The following HS3ST4 variants were observed in gnomAD, a reference collection of about 807,000 sequenced individuals.
HS3ST4 encodes the protein heparan sulfate-glucosamine 3-sulfotransferase 4.
HS3ST4 carries 17 observed loss-of-function variants against 29.2 expected under a neutral mutation model. The observed-to-expected ratio is 0.58, with a 90% CI of 0.40 to 0.87. The LOEUF is 0.87. Ranked by LOEUF, HS3ST4 falls within the 40% of genes least tolerant of loss-of-function variation. The pLI is 0.00. For missense variants in HS3ST4, 627 were observed against 634.5 expected, an observed-to-expected ratio of 0.99 and a Z score of 0.13; for synonymous variants, 314 against 285.7, an observed-to-expected ratio of 1.10 and a Z score of -1.00.
chr16:25,720,605 A>G (rs1966486380), intron 1 of HS3ST4, among the ~76,000 whole-genome samples: 1 of 152,192 alleles, frequency 6.6e-6, no homozygotes, highest in Non-Finnish European at 1.5e-5. Context: ...ACCTTAAAAA[A>G]TCCATGAAAA....
intron 1 of HS3ST4, among the ~76,000 whole-genome samples, chr16:25,886,017 T>C (rs985843981): frequency 4.1e-5 from 6 of 147,806 alleles, no homozygotes; most frequent in Admixed American, 2.8e-4. Flanking sequence ...GGAGTACTTT[T>C]CTTACTGTGG....
intron 1 of HS3ST4, among the ~76,000 whole-genome samples, chr16:25,926,139 T>C (rs1484275271): frequency 1.3e-5 from 2 of 152,202 alleles, no homozygotes; most frequent in Non-Finnish European, 2.9e-5. Context: ...ATTTACATCG[T>C]TGTGCAGCCA....
intron 1 of HS3ST4, among the ~76,000 whole-genome samples, chr16:26,007,206 C>T (rs1305035197): frequency 1.3e-5 from 2 of 152,214 alleles, no homozygotes; most frequent in African/African-American, 4.8e-5. Context: ...TACAGAAAGG[C>T]ACATGCTCTT....
At chr16:25,916,390 T>G (rs1007133262) in intron 1 of HS3ST4, among the ~76,000 whole-genome samples, 1 of 152,080 alleles carries the variant, frequency 6.6e-6, no homozygotes, top group Non-Finnish European at 1.5e-5. Flanking sequence ...GAGACAGAGT[T>G]TCGCTCTTGT....
intron 1 of HS3ST4, among the ~76,000 whole-genome samples, chr16:25,730,442 C>A (rs1966563320): frequency 6.8e-6 from 1 of 146,326 alleles, no homozygotes; most frequent in South Asian, 2.3e-4. Context: ...CTCTTCCTCC[C>A]TCTCTCCCTT....
chr16:25,939,935 C>T (rs1047255894), intron 1 of HS3ST4, among the ~76,000 whole-genome samples: 1 of 152,198 alleles, frequency 6.6e-6, no homozygotes, highest in African/African-American at 2.4e-5. Context: ...GGATAAGACT[C>T]TGGACCCCAA....
At chr16:26,050,169 T>A (rs559497480) in intron 1 of HS3ST4, among the ~76,000 whole-genome samples, 1 of 152,140 alleles carries the variant, frequency 6.6e-6, no homozygotes, top group African/African-American at 2.4e-5. Flanking sequence ...ACCAGCCCCA[T>A]CCTGAAGCTA....
At chr16:26,018,144 G>A (rs1379249707) in intron 1 of HS3ST4, among the ~76,000 whole-genome samples, 1 of 152,174 alleles carries the variant, frequency 6.6e-6, no homozygotes, top group Non-Finnish European at 1.5e-5. Context: ...TTGAAAGCAG[G>A]GCTACTGCCT....
intron 1 of HS3ST4, among the ~76,000 whole-genome samples, chr16:25,946,306 C>T (rs537746093): frequency 2.6e-5 from 4 of 152,300 alleles, no homozygotes; most frequent in African/African-American, 9.6e-5. Flanking sequence ...GGTCATATTT[C>T]CTGGTGGATA....
chr16:25,709,849 C>T (rs1000921340), intron 1 of HS3ST4, among the ~76,000 whole-genome samples: 1 of 152,234 alleles, frequency 6.6e-6, no homozygotes, highest in Admixed American at 6.5e-5. Flanking sequence ...CTATTTTCAT[C>T]CCTTCCTTAG....
At chr16:26,032,698 C>T in intron 1 of HS3ST4, 1 of 1,292,308 alleles carries the variant, frequency 7.7e-7, no homozygotes, top group Non-Finnish European at 1.1e-6. Context: ...TAGTCTTGGG[C>T]TCTGGCTTTG....
intron 1 of HS3ST4, among the ~76,000 whole-genome samples, chr16:25,898,342 A>G (rs1364890978): frequency 2.0e-5 from 3 of 152,194 alleles, no homozygotes; most frequent in African/African-American, 7.2e-5. Context: ...CTACTCATTT[A>G]TTAACAGCAA....
intron 1 of HS3ST4, among the ~76,000 whole-genome samples, chr16:25,847,931 T>C (rs1179196744): frequency 6.6e-6 from 1 of 152,206 alleles, no homozygotes; most frequent in Non-Finnish European, 1.5e-5. Flanking sequence ...TAAATTATTC[T>C]TTTGAGGGTC....
chr16:25,873,036 G>A (rs1056277465), intron 1 of HS3ST4, among the ~76,000 whole-genome samples: 11 of 152,214 alleles, frequency 7.2e-5, no homozygotes, highest in East Asian at 1.9e-4. Flanking sequence ...TCTTAAATAT[G>A]TTGACATTGG....
At chr16:25,975,427 G>C (rs1968935060) in intron 1 of HS3ST4, among the ~76,000 whole-genome samples, 1 of 152,058 alleles carries the variant, frequency 6.6e-6, no homozygotes, top group Admixed American at 6.5e-5. Context: ...CGGCATATTG[G>C]TAAGTTTGGG....
chr16:26,016,186 A>G (rs1040118641), intron 1 of HS3ST4, among the ~76,000 whole-genome samples: 8 of 152,194 alleles, frequency 5.3e-5, no homozygotes, highest in African/African-American at 1.9e-4. Flanking sequence ...TTGTTCCTGT[A>G]AACTAAGTGT....
chr16:25,758,093 G>A (rs1401123382), intron 1 of HS3ST4, among the ~76,000 whole-genome samples: 1 of 152,072 alleles, frequency 6.6e-6, no homozygotes, highest in African/African-American at 2.4e-5. Context: ...ACGAGATAAG[G>A]GAGATACCTT....
At chr16:26,066,384 A>G (rs918544845) in intron 1 of HS3ST4, among the ~76,000 whole-genome samples, 3 of 152,230 alleles carry the variant, frequency 2.0e-5, no homozygotes, top group Admixed American at 1.3e-4. Flanking sequence ...GAACATTTTA[A>G]TGATGTTATT....
chr16:26,113,476 GTGT>G, intron 1 of HS3ST4, among the ~76,000 whole-genome samples: 1 of 148,036 alleles, frequency 6.8e-6, no homozygotes, highest in Admixed American at 6.7e-5. Context: ...TATGATGTGT[GTGT>G]GTGTGTGTGT....
Sources: allele counts gnomAD v4.1 joint callset (sites outside exome capture counted in the v4.1 genomes callset), GRCh38; gene constraint gnomAD v4.1.1; transcripts MANE v1.5; gene names NCBI Gene and HGNC (gene_info 2026-07-23, HGNC 2026-07-21).